LPO: variants seen among roughly 807,000 people sequenced by gnomAD.
LPO encodes the protein salivary peroxidase.
LPO carries 70 observed loss-of-function variants against 68.4 expected under a neutral mutation model. That is an observed-to-expected ratio of 1.02 (90% CI 0.84 to 1.25). The LOEUF is 1.25. LPO is among the 50% of genes most tolerant of loss of function. The pLI is 0.00. For synonymous variants in LPO, 360 were observed against 357.6 expected, an observed-to-expected ratio of 1.01 and a Z score of -0.08; for missense variants, 873 against 908.4, an observed-to-expected ratio of 0.96 and a Z score of 0.50.
At position 58,252,433 on chromosome 17, in the gene LPO, GC is replaced by G; in HGVS notation, c.1035del (p.Tyr346MetfsTer52). The G allele has an allele frequency of 6.2e-7, 1 of 1,614,092 alleles. No homozygotes were observed. Among genetic ancestry groups the G allele is most frequent in the Non-Finnish European group, 8.5e-7 (1 of 1,180,028 alleles). ...TCTCAGACCATGGACTACCCTACCT[GC>G]CCTATGACAGCAAGAAGCCAAGCCC... The part of the protein sequence containing the change: ...EVSDHGLPYL[P>X]YDSKKPSPCE... On this transcript the variant is annotated frameshift_variant, in exon 8 of 13. Coordinates refer to ENST00000262290, the MANE Select transcript of LPO (RefSeq NM_006151.3). LOFTEE classifies it high-confidence loss of function.
In LPO at chr17:58,264,743, C is replaced by A. The variant is rs745535577; in HGVS notation, c.1288C>A (p.Leu430Ile). The A allele has an allele frequency of 1.2e-6, 2 of 1,614,154 alleles. No homozygotes were observed. The highest frequency in any genetic ancestry group is 2.2e-5 in the South Asian group (2 of 91,072). The change falls in exon 10 of 13, where the codon CTA (leucine) becomes ATA (isoleucine). Residue 430 changes from leucine (L) to isoleucine (I), a missense_variant. Physicochemically the swap from Leu to Ile is conservative, Grantham distance 5 (BLOSUM62 2). Transcript: ENST00000262290. The stretch of plus-strand genomic sequence containing the variant: ...CCAGATTATCACCTTTAGGGACTAC[C>A]TACCCATTTTGCTAGGTGACCACAT... ...FVQIITFRDY[L>I]PILLGDHMQK...
chr17:58,266,522 G>A (rs1175348904), intron 11 of LPO, among the ~76,000 whole-genome samples, 196 bp downstream of exon 11: 1 of 151,846 alleles, frequency 6.6e-6, no homozygotes, highest in Non-Finnish European at 1.5e-5. Flanking sequence ...GTACAGCGGT[G>A]CGATCACAGC....
In LPO at chr17:58,267,459, G is replaced by A. The variant is rs377765442; in HGVS notation, c.1804G>A (p.Gly602Arg). 102 of 1,614,196 alleles carry A rather than the reference G, an allele frequency of 6.3e-5. No individual in the cohort carries two copies. Among genetic ancestry groups the A allele is most frequent in the Middle Eastern group, 1.6e-4 (1 of 6,062 alleles). ...GGCCAAGAAGTTACTGGGTCTCTAC[G>A]GGACCCCTGACAACATCGACATCTG... Reference protein sequence around the residue: ...MLAKKLLGLYGTPDNIDIWIG... With the variant: ...MLAKKLLGLYRTPDNIDIWIG... Residue 602 changes from glycine (G) to arginine (R), a missense_variant, in exon 12 of 13, where the codon GGG becomes AGG. By Grantham distance (125) the Gly-to-Arg change is moderately radical. Coordinates refer to ENST00000262290, the MANE Select transcript of LPO (RefSeq NM_006151.3).
At position 58,268,152 on chromosome 17, in the gene LPO, G is replaced by A. The variant is rs1970311239; in HGVS notation, c.*158G>A. The A allele has an allele frequency of 2.8e-6, 2 of 724,930 alleles. No homozygotes were observed. The highest frequency in any genetic ancestry group is 4.5e-6 in the Non-Finnish European group (2 of 449,394). The allele number at this position is 724,930 out of a possible 1,614,324, so 44.9% of individuals were successfully genotyped here. A position where few individuals can be genotyped will look rare whatever the true frequency, so the allele number is the denominator to read the frequency against. On this transcript the variant is annotated 3_prime_UTR_variant, in exon 13 of 13. Coordinates refer to ENST00000262290, the MANE Select transcript of LPO (RefSeq NM_006151.3). ...ATGAACAGCTTGCTCAGGCCCCAGG[G>A]TGGCTGCCTCGGCCCTCCCAGCTCT...
Position 58,250,395 on chromosome 17 carries a change from C to T in LPO, c.574-20C>T. The T allele has an allele frequency of 6.2e-7, 1 of 1,604,804 alleles. No homozygotes were observed. The highest frequency in any genetic ancestry group is 1.1e-5 in the South Asian group (1 of 90,894). ...CACTTTTTCCTCTAATCTGCCCTCC[C>T]CTTCTCTCTCCATCTGTAGGCCCGG... On this transcript the variant is annotated intron_variant, in intron 6 of 12. Transcript: ENST00000262290.
In LPO at chr17:58,268,449, G is replaced by A. The variant is rs756597594; in HGVS notation, c.*455G>A. ...TGATGACTGACTAAAGATGCTAGGC[G>A]TGACACCGTTCCCTCCAAAAGCAGA... On this transcript the variant is annotated 3_prime_UTR_variant, in exon 13 of 13. Transcript: ENST00000262290. 3.0e-5 allele frequency: 5 copies of A among 169,114 alleles called. No individual in the cohort carries two copies. Among genetic ancestry groups the A allele is most frequent in the East Asian group, 1.7e-4 (1 of 5,798 alleles). 10.5% of individuals were successfully genotyped at this position (169,114 alleles called of 1,614,324 possible).
At chr17:58,249,411 A>T (rs1969913767) in intron 5 of LPO, 155 bp from the exon 6 acceptor site, 1 of 1,212,168 alleles carries the variant, frequency 8.2e-7, no homozygotes, top group Non-Finnish European at 1.1e-6. Flanking sequence ...CCGCGCCTTC[A>T]GGGGGTGGGC....
At position 58,268,019 on chromosome 17, in the gene LPO, C is replaced by T. The variant is rs765560387; in HGVS notation, c.*25C>T. ...GGGGCCCGCGCTGCACAGGAAAGTT[C>T]CCTTTGGTCCACAGGGCCATTTCAA... is the stretch of plus-strand genomic sequence containing the variant. On this transcript the variant is annotated 3_prime_UTR_variant, in exon 13 of 13. Coordinates refer to ENST00000262290, the MANE Select transcript of LPO (RefSeq NM_006151.3). The T allele has an allele frequency of 1.2e-6, 2 of 1,610,612 alleles. No individual in the cohort carries two copies. Among genetic ancestry groups the T allele is most frequent in the East Asian group, 2.2e-5 (1 of 44,868 alleles).
intron 11 of LPO, among the ~76,000 whole-genome samples, chr17:58,266,609 C>T (rs1447131702): frequency 6.6e-6 from 1 of 151,974 alleles, no homozygotes; most frequent in African/African-American, 2.4e-5. Flanking sequence ...TACAGGTGTG[C>T]CACATGCCCA....
Position 58,249,580 on chromosome 17 carries a change from T to C in LPO, c.458T>C (p.Leu153Pro), listed in dbSNP as rs1308751368. ...GDCNNRRKPA[L>P]GAANRALARW... ...GCTGGTTTCAGGAGGAAGCCTGCGC[T>C]GGGCGCCGCCAACAGGGCTCTGGCG... Residue 153 changes from leucine (L) to proline (P), a missense_variant, in exon 6 of 13, where the codon CTG becomes CCG. Coordinates refer to ENST00000262290, the MANE Select transcript of LPO (RefSeq NM_006151.3). The C allele has an allele frequency of 1.2e-6, 2 of 1,604,120 alleles. No homozygotes were observed. The highest frequency in any genetic ancestry group is 3.3e-5 in the Admixed American group (2 of 59,884).
chr17:58,242,692 A>G (rs1376791073), intron 1 of LPO, among the ~76,000 whole-genome samples: 1 of 152,200 alleles, frequency 6.6e-6, no homozygotes, highest in Non-Finnish European at 1.5e-5. Flanking sequence ...AACCTGCCCA[A>G]GGTCACAGAG....
intron 1 of LPO, among the ~76,000 whole-genome samples, chr17:58,240,065 A>G (rs1035969271): frequency 3.3e-5 from 5 of 152,322 alleles, no homozygotes; most frequent in South Asian, 4.1e-4. Context: ...AGACAGTAAT[A>G]TGAGATATGG....
chr17:58,266,819 C>T (rs1427573507), intron 11 of LPO, among the ~76,000 whole-genome samples: 1 of 152,142 alleles, frequency 6.6e-6, no homozygotes, highest in African/African-American at 2.4e-5. Flanking sequence ...TCCCCTAATG[C>T]AGAGAAAAGA....
At chr17:58,252,102 C>A in intron 7 of LPO, 80 bp from the exon 8 acceptor site, 1 of 1,350,810 alleles carries the variant, frequency 7.4e-7, no homozygotes, top group Non-Finnish European at 1.0e-6. Context: ...ATCTTTGCAT[C>A]CAGACTTGCC....
chr17:58,252,522 G>T lies in LPO; in HGVS notation c.1105+16G>T. The T allele has an allele frequency of 6.2e-7, 1 of 1,603,376 alleles. No homozygotes were observed. The highest frequency in any genetic ancestry group is 1.1e-5 in the South Asian group (1 of 90,764). ...TTCCTGGCAGGTGAGTCTAGCCTGG[G>T]AACAGAAGGGCCCAAGGACAAGGGG... On this transcript the variant is annotated intron_variant, in intron 8 of 12. Coordinates refer to ENST00000262290, the MANE Select transcript of LPO (RefSeq NM_006151.3).
In LPO at chr17:58,247,477, G is replaced by A; in HGVS notation, c.165-1G>A. 1 of 1,611,532 alleles carries A rather than the reference G, an allele frequency of 6.2e-7. No individual in the cohort carries two copies. The highest frequency in any genetic ancestry group is 8.5e-7 in the Non-Finnish European group (1 of 1,178,674). On this transcript the variant is annotated splice_acceptor_variant, in intron 3 of 12. Coordinates refer to ENST00000262290, the MANE Select transcript of LPO (RefSeq NM_006151.3). LOFTEE classifies it high-confidence loss of function. ...ATGATCCCCATCTCCCTCCACTGTA[G>A]GCTGAAGACCGCCATGAGCTCTGAG...
rs551849551 is a variant in LPO at position 58,240,886 on chromosome 17, C to T, written c.-2-2092C>T. ...ATATAATGAATGTTTGTGCCCACAG[C>T]CCTCTTTAAAAAAATCAGTGATATG... On this transcript the variant is annotated intron_variant, in intron 1 of 12. Transcript: ENST00000262290. Among the ~76,000 whole-genome samples, 255 of 152,012 alleles carry T rather than the reference C, an allele frequency of 1.7e-3. 1 individual carries two copies. The highest frequency in any genetic ancestry group is 2.7e-3 in the Non-Finnish European group (184 of 67,990).
At chr17:58,254,613 T>A (rs1232323067) in intron 8 of LPO, 198 bp from the exon 9 acceptor site, 2 of 530,402 alleles carry the variant, frequency 3.8e-6, no homozygotes, top group Non-Finnish European at 3.4e-6. Flanking sequence ...AGCTAAAAAG[T>A]GTGTATATAG....
chr17:58,249,175 C>G lies in LPO; in HGVS notation c.441C>G (p.Asn147Lys). ...GCACCATTACGGGAGACTGCAATAA[C>G]AGGTGGCGGGGCTTGGGGTGTGGGG... is the stretch of plus-strand genomic sequence containing the variant. ...PYRTITGDCNNRRKPALGAAN... is the reference protein window; with the variant it reads ...PYRTITGDCNKRRKPALGAAN... The change falls in exon 5 of 13, where the codon AAC becomes AAG. Residue 147 changes from asparagine to lysine, a missense_variant and splice_region_variant. By Grantham distance (94) the Asn-to-Lys change is moderately conservative. Transcript: ENST00000262290. 2 of 1,613,618 alleles carry G rather than the reference C, an allele frequency of 1.2e-6. No homozygotes were observed. The highest frequency in any genetic ancestry group is 1.7e-6 in the Non-Finnish European group (2 of 1,179,526).
Sources: gnomAD v4.1 joint callset for allele counts (sites outside exome capture counted in the v4.1 genomes callset) on GRCh38, gnomAD v4.1.1 for gene constraint, MANE v1.5 for transcripts, NCBI Gene and HGNC (gene_info 2026-07-23, HGNC 2026-07-21) for gene names.